The following PCDHGA1 variants were observed in gnomAD, a reference collection of about 807,000 sequenced individuals.
The protein encoded by PCDHGA1 is protocadherin gamma-A1.
A neutral mutation model predicts 58.0 loss-of-function variants in PCDHGA1; 32 were observed. The ratio of observed to expected loss-of-function variants is 0.55; its 90% CI spans 0.42 to 0.74. The LOEUF is 0.74. Among genes scored for constraint, PCDHGA1 ranks in the 30% least tolerant of loss-of-function variants. PCDHGA1 has a pLI of 0.00. For missense variants in PCDHGA1, 1,205 were observed against 1,182.3 expected, an observed-to-expected ratio of 1.02 and a Z score of -0.28; for synonymous variants, 498 against 501.1, an observed-to-expected ratio of 0.99 and a Z score of 0.08.
In PCDHGA1 at chr5:141,331,966, G is replaced by A. The variant is rs930047517; in HGVS notation, c.1282G>A (p.Gly428Arg). Residue 428 changes from glycine (G) to arginine (R), a missense_variant, in exon 1 of 4, where the codon GGA becomes AGA. Coordinates refer to ENST00000517417, the MANE Select transcript of PCDHGA1 (RefSeq NM_018912.3). ...YNITITAIDQ[G>R]TPALSTETHI... ...CATCACAATAACAGCAATAGACCAA[G>A]GAACTCCAGCTCTATCTACTGAAAC... The A allele has an allele frequency of 1.2e-6, 2 of 1,613,992 alleles. No individual in the cohort carries two copies. The highest frequency in any genetic ancestry group is 1.7e-6 in the Non-Finnish European group (2 of 1,180,036).
rs531855306 is a variant in PCDHGA1 at position 141,422,110 on chromosome 5, T to C, written c.2422-72697T>C. 230 of 1,606,626 alleles carry C rather than the reference T, an allele frequency of 1.4e-4. 6 individuals carry two copies. The South Asian group carries it at 2.5e-3, about 17-fold the overall frequency. On this transcript the variant is annotated intron_variant, in intron 1 of 3. Coordinates refer to ENST00000517417, the MANE Select transcript of PCDHGA1 (RefSeq NM_018912.3). The stretch of plus-strand genomic sequence containing the variant: ...AAGCAAGGCTTCTGAAATATTCCAA[T>C]TGGATTCACAAACTGGAGAAGTTCA...
At chr5:141,450,653 A>AT (rs2098689237) in intron 1 of PCDHGA1, among the ~76,000 whole-genome samples, 1 of 151,192 alleles carries the variant, frequency 6.6e-6, no homozygotes, top group Non-Finnish European at 1.5e-5. Context: ...TGCCTGGCTA[A>AT]TTTTTGTACT....
chr5:141,375,603 T>C, intron 1 of PCDHGA1: 4 of 1,614,158 alleles, frequency 2.5e-6, no homozygotes, highest in South Asian at 1.1e-5. Flanking sequence ...TACGTGTCCA[T>C]CAACTCCGAC....
At chr5:141,506,053 T>C (rs1486313858) in intron 3 of PCDHGA1, among the ~76,000 whole-genome samples, 1 of 152,126 alleles carries the variant, frequency 6.6e-6, no homozygotes, top group Non-Finnish European at 1.5e-5. Context: ...TCCCATAAGG[T>C]TGACTAAGGG....
rs761816440 is a variant in PCDHGA1, at chr5:141,332,615, T to C, written c.1931T>C (p.Val644Ala). ...DRDALKQSLV[V>A]AVQDHGQPPL... ...GACGCGCTCAAGCAGAGTCTCGTGG[T>C]GGCCGTCCAGGACCACGGCCAGCCC... The change falls in exon 1 of 4, where the codon GTG (valine) becomes GCG (alanine). Residue 644 changes from valine to alanine, a missense_variant. Coordinates refer to ENST00000517417, the MANE Select transcript of PCDHGA1 (RefSeq NM_018912.3). The surrounding 1 kb of genome is among the most constrained non-coding windows in gnomAD (Gnocchi z 4.6). 8.7e-6 allele frequency: 14 copies of C among 1,612,662 alleles called. No individual in the cohort carries two copies. The South Asian group carries it at 1.1e-4, about 13-fold the overall frequency.
intron 1 of PCDHGA1, chr5:141,341,175 T>C: frequency 1.2e-6 from 2 of 1,614,240 alleles, no homozygotes; most frequent in Non-Finnish European, 1.7e-6. Context: ...TTGACAGGCA[T>C]GCAGAGCTCG....
intron 1 of PCDHGA1, among the ~76,000 whole-genome samples, chr5:141,407,487 C>T (rs928735518): frequency 7.0e-6 from 1 of 142,894 alleles, no homozygotes; most frequent in African/African-American, 2.6e-5. Context: ...TATGGAAAAT[C>T]TTTATTTCTG....
intron 1 of PCDHGA1, chr5:141,478,743 A>G: frequency 6.5e-7 from 1 of 1,528,732 alleles, no homozygotes; most frequent in Non-Finnish European, 8.8e-7. Context: ...TTGTGGTCCC[A>G]TTTCAGGGGG....
intron 1 of PCDHGA1, among the ~76,000 whole-genome samples, chr5:141,358,088 G>C (rs1349368528): frequency 6.6e-6 from 1 of 152,206 alleles, no homozygotes; most frequent in African/African-American, 2.4e-5. Flanking sequence ...TACCCTGGAG[G>C]CTGAGGCATG....
intron 1 of PCDHGA1, chr5:141,362,496 G>A: frequency 1.2e-6 from 2 of 1,614,004 alleles, no homozygotes; most frequent in South Asian, 1.1e-5. Context: ...ATGCCTCTTG[G>A]GAACAAAATA....
intron 1 of PCDHGA1, chr5:141,408,397 G>T: frequency 6.2e-7 from 1 of 1,614,068 alleles, no homozygotes; most frequent in Non-Finnish European, 8.5e-7. Context: ...CGGCTCGCAA[G>T]CTGCGAGTGA....
At chr5:141,356,669 C>T in intron 1 of PCDHGA1, 1 of 1,614,006 alleles carries the variant, frequency 6.2e-7, no homozygotes. Flanking sequence ...ATCACTTACT[C>T]CCTGGCCGAA....
intron 1 of PCDHGA1, among the ~76,000 whole-genome samples, chr5:141,402,671 G>A (rs1016182752): frequency 2.0e-5 from 3 of 152,140 alleles, no homozygotes; most frequent in Admixed American, 2.0e-4. Flanking sequence ...TTCTTTATCA[G>A]CCATCTGATA....
intron 2 of PCDHGA1, among the ~76,000 whole-genome samples, chr5:141,502,845 T>G (rs2099816267): frequency 6.8e-6 from 1 of 147,606 alleles, no homozygotes; most frequent in South Asian, 2.1e-4. Context: ...CTGGCTGAGC[T>G]GCCTAACCCT....
At position 141,413,510 on chromosome 5, in the gene PCDHGA1, T is replaced by G. The variant is rs372002880; in HGVS notation, c.2421+80405T>G. On this transcript the variant is annotated intron_variant, in intron 1 of 3. Transcript: ENST00000517417. ...GCGCGGTGCGTGGTGAGTTTTAATA[T>G]CCTTGTGGAAGACAGGGTGAAACTT... The G allele has an allele frequency of 5.4e-5, 87 of 1,613,876 alleles. No individual in the cohort carries two copies. Among genetic ancestry groups the G allele is most frequent in the Middle Eastern group, 1.6e-4 (1 of 6,084 alleles).
At chr5:141,340,640 G>A (rs749260209) in intron 1 of PCDHGA1, 2 of 1,614,220 alleles carry the variant, frequency 1.2e-6, no homozygotes, top group Non-Finnish European at 1.7e-6. Context: ...GGACCAGAAC[G>A]ACAACGCGCC....
At chr5:141,368,149 A>G (rs1022944602) in intron 1 of PCDHGA1, among the ~76,000 whole-genome samples, 6 of 152,184 alleles carry the variant, frequency 3.9e-5, no homozygotes, top group African/African-American at 1.4e-4. Context: ...TTGTACTTTT[A>G]AAACCTTGAG....
rs1358954122 is a variant in PCDHGA1, at chr5:141,491,553, C to T, written c.2422-3254C>T. On this transcript the variant is annotated intron_variant, in intron 1 of 3. Coordinates refer to ENST00000517417, the MANE Select transcript of PCDHGA1 (RefSeq NM_018912.3). This position sits in a 1 kb window ranked among gnomAD's most constrained non-coding sequence, Gnocchi z 6.9. ...CGCTGCGGCCCACAGACTCGCAGAG[C>T]CACTGCTACAGGACGTGCTTTTCAC... The T allele has an allele frequency of 6.2e-7, 1 of 1,613,954 alleles. No homozygotes were observed.
chr5:141,346,913 T>C (rs1337945635), intron 1 of PCDHGA1, among the ~76,000 whole-genome samples: 4 of 152,212 alleles, frequency 2.6e-5, no homozygotes, highest in Non-Finnish European at 5.9e-5. Flanking sequence ...CAAGTAAAAA[T>C]ACATATGAAT....
Sources: gnomAD v4.1 joint callset for allele counts (sites outside exome capture counted in the v4.1 genomes callset) on GRCh38, gnomAD v4.1.1 for gene constraint, Gnocchi (gnomAD v3.1) non-coding constraint, MANE v1.5 for transcripts, NCBI Gene and HGNC (gene_info 2026-07-23, HGNC 2026-07-21) for gene names.